PTDSS2: variants seen among roughly 807,000 people sequenced by gnomAD.
PTDSS2 encodes the protein PSS-2.
A neutral mutation model predicts 64.7 loss-of-function variants in PTDSS2; 41 were observed. That is an observed-to-expected ratio of 0.63 (90% CI 0.49 to 0.82). The LOEUF is 0.82. Ranked by LOEUF, PTDSS2 falls within the 40% of genes least tolerant of loss-of-function variation. PTDSS2 has a pLI of 0.00. For missense variants in PTDSS2, 485 were observed against 650.0 expected (o/e 0.75, Z 2.76); for synonymous variants, 297 against 277.8 (o/e 1.07, Z -0.69).
intron 4 of PTDSS2, among the ~76,000 whole-genome samples, chr11:484,250 C>A (rs1848197698): frequency 6.6e-6 from 1 of 152,172 alleles, no homozygotes; most frequent in Non-Finnish European, 1.5e-5. Context: ...TCACGGAGTT[C>A]TTGGCTTTTC....
chr11:482,797 C>T (rs948721031), intron 4 of PTDSS2, among the ~76,000 whole-genome samples: 5 of 149,950 alleles, frequency 3.3e-5, no homozygotes, highest in African/African-American at 1.2e-4. Context: ...ATCTCCCTAC[C>T]GAGTGGAGAA....
intron 4 of PTDSS2, among the ~76,000 whole-genome samples, chr11:486,221 T>C (rs897862887): frequency 6.6e-6 from 1 of 151,992 alleles, no homozygotes; most frequent in Non-Finnish European, 1.5e-5. Flanking sequence ...GATGCCAGCG[T>C]CTGGGTGAGG....
At position 460,112 on chromosome 11, in the gene PTDSS2, T is replaced by C. The variant is rs984064329; in HGVS notation, c.183-75T>C. ...GCCCTCTCCTTGACGTAGAGAGGAT[T>C]TGGGGCCTGTTACGTGAGTATTTAG... On this transcript the variant is annotated intron_variant, in intron 1 of 11. Transcript: ENST00000308020. The surrounding 1 kb of genome is among the most constrained non-coding windows in gnomAD (Gnocchi z 5.8). 7 of 1,162,958 alleles carry C rather than the reference T, an allele frequency of 6.0e-6. No individual in the cohort carries two copies. Among genetic ancestry groups the C allele is most frequent in the African/African-American group, 3.0e-5 (2 of 65,694 alleles). 72.0% of individuals were successfully genotyped at this position (1,162,958 alleles called of 1,614,324 possible).
chr11:449,433 C>T (rs116314595), upstream of PTDSS2, among the ~76,000 whole-genome samples: 1 of 152,364 alleles, frequency 6.6e-6, no homozygotes, highest in African/African-American at 2.4e-5. Context: ...TCCTCTATGG[C>T]TAATAACATG....
Position 460,079 on chromosome 11 carries a change from G to C in PTDSS2, c.183-108G>C, listed in dbSNP as rs932385309. On this transcript the variant is annotated intron_variant, in intron 1 of 11. Coordinates refer to ENST00000308020, the MANE Select transcript of PTDSS2 (RefSeq NM_030783.3). This position sits in a 1 kb window ranked among gnomAD's most constrained non-coding sequence, Gnocchi z 5.8. ...GTTGCTGGTTGGGAGTTGGAGAGTG[G>C]AGTTTAAGCCCTCTCCTTGACGTAG... 4 of 813,236 alleles carry C rather than the reference G, an allele frequency of 4.9e-6. No individual in the cohort carries two copies. Among genetic ancestry groups the C allele is most frequent in the Middle Eastern group, 2.3e-4 (1 of 4,346 alleles). The allele number at this position is 813,236 out of a possible 1,614,324, so 50.4% of individuals were successfully genotyped here.
chr11:489,768 C>CG (rs776507344), intron 10 of PTDSS2, 35 bp downstream of exon 10: 18 of 1,594,770 alleles, frequency 1.1e-5, no homozygotes, highest in South Asian at 3.4e-5. Flanking sequence ...GAGACACCCC[C>CG]GGGGGGCAGG....
chr11:490,710 T>A lies in PTDSS2; in HGVS notation c.*128T>A. 1 of 961,350 alleles carries A rather than the reference T, an allele frequency of 1.0e-6. No individual in the cohort carries two copies. The highest frequency in any genetic ancestry group is 1.5e-6 in the Non-Finnish European group (1 of 663,436). 59.6% of individuals were successfully genotyped at this position (961,350 alleles called of 1,614,324 possible). On this transcript the variant is annotated 3_prime_UTR_variant, in exon 12 of 12. Transcript: ENST00000308020. Reference sequence around the variant, plus strand: ...GTTTTTTGCTTTTCTCCTGTGCACCTGGCGAGGCTGAAGGCGAGGGGTGGA... The same window carrying A: ...GTTTTTTGCTTTTCTCCTGTGCACCAGGCGAGGCTGAAGGCGAGGGGTGGA...
chr11:472,826 CGTGT>C (rs201233156), intron 2 of PTDSS2, among the ~76,000 whole-genome samples: 1 of 152,180 alleles, frequency 6.6e-6, no homozygotes, highest in Non-Finnish European at 1.5e-5. Context: ...CACGAACGTG[CGTGT>C]GTGTGTGCAG....
rs564431684 is a variant in PTDSS2 at position 470,509 on chromosome 11, A to G, written c.285-3386A>G. Among the ~76,000 whole-genome samples, 15 of 152,288 alleles carry G rather than the reference A, an allele frequency of 9.8e-5. No individual in the cohort carries two copies. The highest frequency in any genetic ancestry group is 1.8e-4 in the Non-Finnish European group (12 of 68,012). ...TGTTGGGGGCGGGGCAGGGGGAAGG[A>G]CATCAGGGGAGAGCGAAGGAAGTGT... On this transcript the variant is annotated intron_variant, in intron 2 of 11. Transcript: ENST00000308020. The surrounding 1 kb of genome is among the most constrained non-coding windows in gnomAD (Gnocchi z 5.3).
intron 1 of PTDSS2, among the ~76,000 whole-genome samples, chr11:452,290 C>G (rs903631734): frequency 6.6e-6 from 1 of 152,260 alleles, no homozygotes; most frequent in African/African-American, 2.4e-5. Flanking sequence ...GAGAACTAAA[C>G]AAGAAGCTTA....
chr11:466,028 T>C (rs574363612), intron 2 of PTDSS2, among the ~76,000 whole-genome samples: 18 of 152,224 alleles, frequency 1.2e-4, no homozygotes, highest in African/African-American at 4.3e-4. Context: ...AAAACACCTA[T>C]CTGATAAAGT....
intron 4 of PTDSS2, among the ~76,000 whole-genome samples, chr11:485,092 AC>A (rs1848265568): frequency 1.8e-5 from 1 of 54,872 alleles, no homozygotes; most frequent in Non-Finnish European, 3.3e-5. Context: ...CTTACTGTGC[AC>A]AGGCGAGTGT....
intron 3 of PTDSS2, among the ~76,000 whole-genome samples, chr11:478,129 C>T (rs1398131188): frequency 2.0e-5 from 3 of 152,100 alleles, no homozygotes; most frequent in Non-Finnish European, 2.9e-5. Context: ...GTTAATGTAA[C>T]TCATCACATC....
rs1407782109 is a variant in PTDSS2, at chr11:491,011, TG to T, written c.*431del. The T allele has an allele frequency of 5.1e-6, 1 of 194,750 alleles. No individual in the cohort carries two copies. The highest frequency in any genetic ancestry group is 1.1e-5 in the Non-Finnish European group (1 of 94,110). 12.1% of individuals were successfully genotyped at this position (194,750 alleles called of 1,614,324 possible). A position where few individuals can be genotyped will look rare whatever the true frequency, so the allele number is the denominator to read the frequency against. ...CACCAAGCTCCCTGTCACCCAGCCA[TG>T]GTGTGGTCCAGGCAGGGACATCTCG... On this transcript the variant is annotated 3_prime_UTR_variant, in exon 12 of 12. Transcript: ENST00000308020.
chr11:458,104 G>A (rs1846680860), intron 1 of PTDSS2, among the ~76,000 whole-genome samples: 1 of 151,762 alleles, frequency 6.6e-6, no homozygotes, highest in Non-Finnish European at 1.5e-5. Flanking sequence ...CCATTTGTAT[G>A]TTTTCCTTGT....
chr11:464,966 T>C (rs1332084865), intron 2 of PTDSS2, among the ~76,000 whole-genome samples: 1 of 152,132 alleles, frequency 6.6e-6, no homozygotes, highest in Admixed American at 6.6e-5. Context: ...CTGTCAAAAA[T>C]GCACCGAAAT....
chr11:449,660 C>A (rs1846232380), upstream of PTDSS2, among the ~76,000 whole-genome samples: 1 of 152,154 alleles, frequency 6.6e-6, no homozygotes, highest in South Asian at 2.1e-4. Flanking sequence ...AAAGAATGAC[C>A]CAGACCGGTC....
chr11:459,400 T>C (rs1846767212), intron 1 of PTDSS2: 1 of 150,854 alleles, frequency 6.6e-6, no homozygotes. Flanking sequence ...ATGTAGGACC[T>C]GGGTTAGACA....
At chr11:449,422 C>T (rs185731882), upstream of PTDSS2, among the ~76,000 whole-genome samples, 1 of 152,368 alleles carries the variant, frequency 6.6e-6, no homozygotes, top group Admixed American at 6.5e-5. Flanking sequence ...GCATGCTTCG[C>T]TCCTCTATGG....
Sources: allele counts gnomAD v4.1 joint callset (sites outside exome capture counted in the v4.1 genomes callset), GRCh38; gene constraint gnomAD v4.1.1; non-coding constraint Gnocchi (gnomAD v3.1); transcripts MANE v1.5; gene names NCBI Gene and HGNC (gene_info 2026-07-23, HGNC 2026-07-21).